PCDHGB2: variants seen among roughly 807,000 people sequenced by gnomAD.
PCDHGB2 encodes the protein protocadherin gamma subfamily B, 2, also known as protocadherin gamma-B2.
Under a neutral mutation model 59.3 loss-of-function variants are expected in PCDHGB2, and 55 were observed. The ratio of observed to expected loss-of-function variants is 0.93; its 90% CI spans 0.75 to 1.16. The LOEUF (loss-of-function observed/expected upper bound fraction) is 1.16. PCDHGB2 is among the 50% of genes most tolerant of loss of function. The pLI is 0.00. For synonymous variants in PCDHGB2, 516 were observed against 512.0 expected (o/e 1.01, Z -0.11); for missense variants, 1,228 against 1,198.5 (o/e 1.02, Z -0.36).
intron 1 of PCDHGB2, chr5:141,426,685 A>C (rs1342844985): frequency 4.6e-6 from 2 of 432,608 alleles, no homozygotes; most frequent in African/African-American, 2.0e-5. Flanking sequence ...CATTTTCCCC[A>C]AAATAGCATT....
chr5:141,456,698 C>T (rs1466672057), intron 1 of PCDHGB2, among the ~76,000 whole-genome samples: 1 of 152,132 alleles, frequency 6.6e-6, no homozygotes, highest in Non-Finnish European at 1.5e-5. Flanking sequence ...GGCGTGGTGG[C>T]TCGCGCCTGT....
chr5:141,370,405 G>T, intron 1 of PCDHGB2: 3 of 1,559,818 alleles, frequency 1.9e-6, no homozygotes, highest in Non-Finnish European at 2.6e-6. Flanking sequence ...ATGGGAAATA[G>T]CTCCGGATGG....
In PCDHGB2 at chr5:141,389,782, G is replaced by C. The variant is rs768524617; in HGVS notation, c.2421+27226G>C. 4 of 1,613,192 alleles carry C rather than the reference G, an allele frequency of 2.5e-6. No individual in the cohort carries two copies. In the African/African-American group the frequency reaches 5.3e-5, roughly 22 times the overall value. On this transcript the variant is annotated intron_variant, in intron 1 of 3. Transcript: ENST00000522605. ...CGCACAGCGCGTGCCTTAGGCGACAGGGACGCCGTCCGCCAGCGCCTTCTG... is the reference window on the plus strand; with the variant it reads ...CGCACAGCGCGTGCCTTAGGCGACACGGACGCCGTCCGCCAGCGCCTTCTG...
At chr5:141,400,181 A>G (rs1188334062) in intron 1 of PCDHGB2, 14 of 1,614,034 alleles carry the variant, frequency 8.7e-6, no homozygotes, top group Non-Finnish European at 1.1e-5. Flanking sequence ...GCTGAGCTGC[A>G]GTTTTACCTA....
chr5:141,475,989 A>G, intron 1 of PCDHGB2: 1 of 1,130,622 alleles, frequency 8.8e-7, no homozygotes, highest in Non-Finnish European at 1.3e-6. Flanking sequence ...CCGGCGAGCA[A>G]ATCAACGGCA....
At chr5:141,394,513 T>C in intron 1 of PCDHGB2, 1 of 1,614,112 alleles carries the variant, frequency 6.2e-7, no homozygotes, top group Non-Finnish European at 8.5e-7. Flanking sequence ...TACCCCGCCC[T>C]CCCCACAGAC....
At chr5:141,484,989 T>C (rs1295192640) in intron 1 of PCDHGB2, 4 of 604,024 alleles carry the variant, frequency 6.6e-6, no homozygotes, top group Non-Finnish European at 1.2e-5. Context: ...AATCGGGTGG[T>C]GAAAGGCAGA....
chr5:141,423,612 TGAAGAC>T, intron 1 of PCDHGB2: 1 of 1,611,004 alleles, frequency 6.2e-7, no homozygotes, highest in African/African-American at 1.3e-5. Flanking sequence ...TCTTGATAGC[TGAAGAC>T]TCAGCTATCA....
chr5:141,497,824 T>G (rs1164705269), intron 2 of PCDHGB2, among the ~76,000 whole-genome samples: 1 of 152,086 alleles, frequency 6.6e-6, no homozygotes, highest in African/African-American at 2.4e-5. Flanking sequence ...ACAGGTGTGA[T>G]CGCCCCCGGC....
At chr5:141,400,203 G>C in intron 1 of PCDHGB2, 1 of 1,613,996 alleles carries the variant, frequency 6.2e-7, no homozygotes, top group Non-Finnish European at 8.5e-7. Flanking sequence ...TGGTGGCCTT[G>C]GCCTTGATCT....
At chr5:141,430,815 T>A in intron 1 of PCDHGB2, 1 of 1,535,252 alleles carries the variant, frequency 6.5e-7, no homozygotes, top group Non-Finnish European at 8.7e-7. Flanking sequence ...CTGGGAATCC[T>A]CCTGGGGACT....
At position 141,491,834 on chromosome 5, in the gene PCDHGB2, C is replaced by T; in HGVS notation, c.2422-2973C>T. 6 of 1,473,830 alleles carry T rather than the reference C, an allele frequency of 4.1e-6. No homozygotes were observed. The highest frequency in any genetic ancestry group is 5.4e-6 in the Non-Finnish European group (6 of 1,112,366). The allele number at this position is 1,473,830 out of a possible 1,614,324, so 91.3% of individuals were successfully genotyped here. ...CGCTGGCTGCGCTCCACCCGATTCTCGGGATCATTGGACCGTTTGCGCGAA... is the reference window on the plus strand; with the variant it reads ...CGCTGGCTGCGCTCCACCCGATTCTTGGGATCATTGGACCGTTTGCGCGAA... On this transcript the variant is annotated intron_variant, in intron 1 of 3. Transcript: ENST00000522605. This position sits in a 1 kb window ranked among gnomAD's most constrained non-coding sequence, Gnocchi z 6.9.
chr5:141,477,087 C>T lies in PCDHGB2; in HGVS notation c.2422-17720C>T, dbSNP rs748424193. ...AAACTCCATGAGATTTACATCCAGG[C>T]CAAAGACAAGGGCGCCAATCCCGAA... On this transcript the variant is annotated intron_variant, in intron 1 of 3. Coordinates refer to ENST00000522605, the MANE Select transcript of PCDHGB2 (RefSeq NM_018923.3). The surrounding 1 kb of genome is among the most constrained non-coding windows in gnomAD (Gnocchi z 4.9). The T allele has an allele frequency of 1.2e-6, 2 of 1,614,244 alleles. No individual in the cohort carries two copies. Among genetic ancestry groups the T allele is most frequent in the Admixed American group, 3.3e-5 (2 of 60,032 alleles).
At position 141,362,521 on chromosome 5, in the gene PCDHGB2, G is replaced by T. The variant is rs1299145664; in HGVS notation, c.2386G>T (p.Ala796Ser). The change falls in exon 1 of 4, where the codon GCT becomes TCT. Residue 796 changes from alanine (A) to serine (S), a missense_variant. Ala to Ser is a moderately conservative substitution (Grantham distance 99). This residue lies in a region of PCDHGB2 where 433 missense variants were observed against 441.8 expected (regional missense o/e 0.98). Transcript: ENST00000522605. ...GGAACAAAATACAAATCATGGAGCC[G>T]CTGGGGTCCCTTTTGCCTCAGATAC... ...SWEQNTNHGA[A>S]GVPFASDTIL... The T allele has an allele frequency of 2.2e-5, 36 of 1,613,832 alleles. No individual in the cohort carries two copies. The highest frequency in any genetic ancestry group is 2.8e-5 in the Non-Finnish European group (33 of 1,179,902).
At chr5:141,451,036 G>T (rs973806381) in intron 1 of PCDHGB2, among the ~76,000 whole-genome samples, 1 of 150,880 alleles carries the variant, frequency 6.6e-6, no homozygotes, top group Non-Finnish European at 1.5e-5. Flanking sequence ...CACCATATTG[G>T]CCAGGCTGGT....
At chr5:141,399,642 G>A (rs755191053) in intron 1 of PCDHGB2, 154 of 1,613,630 alleles carry the variant, frequency 9.5e-5, no homozygotes, top group East Asian at 4.2e-4. Context: ...CCATGAGCGC[G>A]CAAAGTGGGG....
intron 1 of PCDHGB2, chr5:141,478,700 C>A: frequency 1.3e-6 from 2 of 1,549,172 alleles, no homozygotes; most frequent in Non-Finnish European, 1.7e-6. Flanking sequence ...AAAGTTAGTG[C>A]CTTTGTGAGA....
In PCDHGB2 at chr5:141,512,470, T is replaced by G. The variant is rs2099884244; in HGVS notation, c.*1297T>G. On this transcript the variant is annotated 3_prime_UTR_variant, in exon 4 of 4. Transcript: ENST00000522605. ...TTCACCTTGCCAGGTGCCGTTTCTC[T>G]TCCGTGAAGGCCACTGCCCAGGTCC... 6.5e-6 allele frequency: 1 copy of G among 152,892 alleles called. No individual in the cohort carries two copies. The highest frequency in any genetic ancestry group is 2.1e-4 in the South Asian group (1 of 4,834). 9.5% of individuals were successfully genotyped at this position (152,892 alleles called of 1,614,324 possible).
chr5:141,489,060 TC>T lies in PCDHGB2; in HGVS notation c.2422-5741del, dbSNP rs1037208652. 41 of 300,146 alleles carry T rather than the reference TC, an allele frequency of 1.4e-4. No individual in the cohort carries two copies. The highest frequency in any genetic ancestry group is 2.3e-4 in the Non-Finnish European group (38 of 162,914). The allele number at this position is 300,146 out of a possible 1,614,324, so 18.6% of individuals were successfully genotyped here. A position where few individuals can be genotyped will look rare whatever the true frequency, so the allele number is the denominator to read the frequency against. On this transcript the variant is annotated intron_variant, in intron 1 of 3. Coordinates refer to ENST00000522605, the MANE Select transcript of PCDHGB2 (RefSeq NM_018923.3). This position sits in a 1 kb window ranked among gnomAD's most constrained non-coding sequence, Gnocchi z 4.5. ...CAGCTCCACTCAAATTCAGCTCCCC[TC>T]CCCCCTGCCCACCCCCGCCACTCGG...
Sources: gnomAD v4.1 joint callset for allele counts (sites outside exome capture counted in the v4.1 genomes callset) on GRCh38, gnomAD v4.1.1 for gene constraint, gnomAD v4.1.1 regional missense constraint, Gnocchi (gnomAD v3.1) non-coding constraint, MANE v1.5 for transcripts, NCBI Gene and HGNC (gene_info 2026-07-23, HGNC 2026-07-21) for gene names.